DMD: variants seen among roughly 807,000 people sequenced by gnomAD.
DMD encodes the protein dystrophin, also known as mutant dystrophin.
In DMD, 63 loss-of-function variants were observed where a neutral mutation model predicts 330.1. The observed-to-expected ratio is 0.19, with a 90% confidence interval of 0.16 to 0.24. The LOEUF (loss-of-function observed/expected upper bound fraction) is 0.24. DMD is among the 10% of genes least tolerant of loss of function. The probability of loss-of-function intolerance (pLI) is 1.00; values close to 1 mark genes in which losing one functional copy is unlikely to be tolerated. For missense variants in DMD, 3,344 were observed against 2,684.1 expected, an observed-to-expected ratio of 1.25 and a Z score of -5.43; for synonymous variants, 1,223 against 959.8, an observed-to-expected ratio of 1.27 and a Z score of -5.07.
At chrX:32,700,931 G>A (rs752874664) in intron 7 of DMD, among the ~76,000 whole-genome samples, 51 of 111,931 alleles carry the variant, frequency 4.6e-4, no homozygotes, top group African/African-American at 1.5e-3. Context: ...CAATTCTTTT[G>A]CAAGTATCAG....
intron 4 of DMD, among the ~76,000 whole-genome samples, chrX:32,835,582 C>A (rs952916619): frequency 8.9e-6 from 1 of 112,158 alleles, no homozygotes; most frequent in Non-Finnish European, 1.9e-5. Context: ...ACAGCCACCA[C>A]AAAGAATGCA....
intron 60 of DMD, among the ~76,000 whole-genome samples, chrX:31,380,867 G>A (rs112748498): frequency 0.49 from 52,976 of 108,558 alleles, 9,977 homozygotes; most frequent in Non-Finnish European, 0.58. Context: ...ACTGCCTCAA[G>A]GCTTCACAGA....
At chrX:32,027,077 G>A (rs1370690780) in intron 44 of DMD, among the ~76,000 whole-genome samples, 4 of 108,910 alleles carry the variant, frequency 3.7e-5, no homozygotes, top group Non-Finnish European at 7.6e-5. Context: ...GAGGGACCAC[G>A]AATTTTGATG....
intron 13 of DMD, among the ~76,000 whole-genome samples, chrX:32,583,257 A>T (rs2053860846): frequency 8.9e-6 from 1 of 111,766 alleles, no homozygotes; most frequent in Non-Finnish European, 1.9e-5. Context: ...ACACTTCGGC[A>T]GGCCGAGGCT....
At chrX:31,284,783 C>G (rs929347036) in intron 62 of DMD, among the ~76,000 whole-genome samples, 2 of 106,717 alleles carry the variant, frequency 1.9e-5, no homozygotes, top group Admixed American at 2.1e-4. Context: ...CTCCAACTTT[C>G]CTTAAAGATA....
At chrX:32,814,618 TAAAG>T (rs2077590023) in intron 6 of DMD, among the ~76,000 whole-genome samples, 1 of 111,618 alleles carries the variant, frequency 9.0e-6, no homozygotes, top group Middle Eastern at 4.6e-3. Context: ...ATGTAATACA[TAAAG>T]AGAGTTACTG....
At chrX:31,182,365 T>C (rs753887957) in intron 68 of DMD, among the ~76,000 whole-genome samples, 1 of 112,113 alleles carries the variant, frequency 8.9e-6, no homozygotes, top group African/African-American at 3.2e-5. Context: ...TCTTGGGAAG[T>C]TTCTATAAAC....
intron 19 of DMD, among the ~76,000 whole-genome samples, chrX:32,494,587 G>T (rs2043305198): frequency 9.0e-6 from 1 of 110,998 alleles, no homozygotes; most frequent in African/African-American, 3.3e-5. Flanking sequence ...ACTTACCAAA[G>T]TTCTGAGTTA....
intron 44 of DMD, among the ~76,000 whole-genome samples, chrX:32,118,587 G>T (rs1283348035): frequency 9.0e-6 from 1 of 110,968 alleles, no homozygotes; most frequent in Admixed American, 9.5e-5. Context: ...AAATTCTCAG[G>T]TCTCACCCCA....
chrX:31,871,451 T>C (rs1215294981), intron 48 of DMD, among the ~76,000 whole-genome samples: 4 of 110,577 alleles, frequency 3.6e-5, no homozygotes, highest in African/African-American at 9.9e-5. Flanking sequence ...AAGAGTGAAG[T>C]ACCAAGCAGA....
intron 57 of DMD, among the ~76,000 whole-genome samples, chrX:31,487,238 T>C (rs1288861234): frequency 9.0e-6 from 1 of 111,103 alleles, no homozygotes; most frequent in Non-Finnish European, 1.9e-5. Flanking sequence ...GAACACTTAA[T>C]ATGAACTTTA....
intron 41 of DMD, among the ~76,000 whole-genome samples, chrX:32,326,540 G>A (rs1183735578): frequency 2.7e-5 from 3 of 112,802 alleles, no homozygotes; most frequent in South Asian, 3.6e-4. Flanking sequence ...GGTGGCAGTG[G>A]TATGTGATTT....
intron 9 of DMD, among the ~76,000 whole-genome samples, chrX:32,674,647 G>C (rs1270006350): frequency 9.0e-6 from 1 of 111,092 alleles, no homozygotes; most frequent in Non-Finnish European, 1.9e-5. Context: ...TGATCTAAGA[G>C]TTTCCAAGCA....
chrX:32,318,939 CT>C (rs375809796), intron 41 of DMD, among the ~76,000 whole-genome samples: 58 of 110,956 alleles, frequency 5.2e-4, no homozygotes, highest in African/African-American at 1.7e-3. Flanking sequence ...GACAGACCTG[CT>C]CATTGACCTG....
chrX:32,978,008 C>T (rs2092602711), intron 2 of DMD, among the ~76,000 whole-genome samples: 1 of 111,692 alleles, frequency 9.0e-6, no homozygotes, highest in Admixed American at 9.5e-5. Flanking sequence ...GAACTTTGTC[C>T]CAAGGTATGG....
chrX:32,078,306 A>G (rs2096367597), intron 44 of DMD, among the ~76,000 whole-genome samples: 1 of 111,914 alleles, frequency 8.9e-6, no homozygotes, highest in African/African-American at 3.2e-5. Flanking sequence ...ACAAATCTGA[A>G]ATCAGTCGCT....
intron 1 of DMD, among the ~76,000 whole-genome samples, chrX:33,228,724 T>TTTTTA (rs2052336942): frequency 1.8e-5 from 2 of 109,145 alleles, no homozygotes; most frequent in African/African-American, 6.6e-5. Context: ...TTTTTTTTTT[T>TTTTTA]GAGACAGGGT....
intron 57 of DMD, among the ~76,000 whole-genome samples, chrX:31,493,656 G>A (rs191717278): frequency 9.0e-6 from 1 of 111,524 alleles, no homozygotes; most frequent in East Asian, 2.8e-4. Flanking sequence ...CCCTTGTTGA[G>A]GATTTTGGTC....
chrX:33,207,466 T>G (rs942359407), intron 1 of DMD, among the ~76,000 whole-genome samples: 7 of 111,472 alleles, frequency 6.3e-5, no homozygotes, highest in African/African-American at 2.3e-4. Context: ...GATTCACAAA[T>G]AGCAGAGTTA....
Sources: allele counts gnomAD v4.1 joint callset (sites outside exome capture counted in the v4.1 genomes callset), GRCh38; gene constraint gnomAD v4.1.1; transcripts MANE v1.5; gene names NCBI Gene and HGNC (gene_info 2026-07-23, HGNC 2026-07-21).